The following TOP3A variants were observed in gnomAD, a reference collection of about 807,000 sequenced individuals.
TOP3A encodes the protein DNA topoisomerase III alpha.
In TOP3A, 64 loss-of-function variants were observed where a neutral mutation model predicts 111.3. The observed-to-expected ratio is 0.57, with a 90% CI of 0.47 to 0.71. The LOEUF (loss-of-function observed/expected upper bound fraction) is 0.71. Among genes scored for constraint, TOP3A ranks in the 30% least tolerant of loss-of-function variants. The probability of loss-of-function intolerance (pLI) is 0.00; values close to 1 mark genes in which losing one functional copy is unlikely to be tolerated. For synonymous variants in TOP3A, 484 were observed against 485.1 expected (o/e 1.00, Z 0.03); for missense variants, 1,104 against 1,285.0 (o/e 0.86, Z 2.15).
rs146683869 is a variant in TOP3A at position 18,282,030 on chromosome 17, C to G, written c.2021+668G>C. Among the ~76,000 whole-genome samples, 416 of 152,254 alleles carry G rather than the reference C, an allele frequency of 2.7e-3. 5 individuals are homozygous for G. The highest frequency in any genetic ancestry group is 9.3e-3 in the African/African-American group (388 of 41,548). On this transcript the variant is annotated intron_variant, in intron 16 of 18. Transcript: ENST00000321105. ...CACCTGATGAATGATGGCTGCCACC[C>G]CTCCACCTCGTCTTTCCCCGTGAAC... is the stretch of plus-strand genomic sequence containing the variant.
In TOP3A at chr17:18,285,182, A is replaced by G. The variant is rs779952792; in HGVS notation, c.1837T>C (p.Tyr613His). The change falls in exon 15 of 19, where the codon TAC becomes CAC. Residue 613 changes from tyrosine (Y) to histidine (H), a missense_variant. Coordinates refer to ENST00000321105, the MANE Select transcript of TOP3A (RefSeq NM_004618.5). Reference sequence around the variant, plus strand: ...ACCGCTTCAATGAAAACCTGCTTGTATTTCTGCACTTGCTGCCTTAGAACC... The same window carrying G: ...ACCGCTTCAATGAAAACCTGCTTGTGTTTCTGCACTTGCTGCCTTAGAACC... ...FVVLRQQVQK[Y>H]KQVFIEAVAK... 28 of 1,614,042 alleles carry G rather than the reference A, an allele frequency of 1.7e-5. No individual in the cohort carries two copies. Among genetic ancestry groups the G allele is most frequent in the East Asian group, 2.2e-5 (1 of 44,894 alleles).
At chr17:18,311,001 ATTTTT>A (rs772922996) in intron 1 of TOP3A, among the ~76,000 whole-genome samples, 1 of 142,158 alleles carries the variant, frequency 7.0e-6, no homozygotes, top group African/African-American at 2.6e-5. Context: ...ACAACTATGA[ATTTTT>A]TTTTTTTTTT....
At chr17:18,301,106 G>A (rs190844737) in intron 8 of TOP3A, among the ~76,000 whole-genome samples, 1 of 152,318 alleles carries the variant, frequency 6.6e-6, no homozygotes, top group Non-Finnish European at 1.5e-5. Context: ...ATCTGCCAGT[G>A]GGCTACAGCC....
chr17:18,314,661 C>T lies in TOP3A; in HGVS notation c.118G>A (p.Ala40Thr), dbSNP rs774900188. ...CCCTTGGCCGCGTCGTTTTTTTCGG[C>T]CACACAGAGGACTTTCCGCACGCCT... ...LRGVRKVLCV[A>T]EKNDAAKGIA... The change falls in exon 1 of 19, where the codon GCC becomes ACC. Residue 40 changes from alanine (A) to threonine (T), a missense_variant. Transcript: ENST00000321105. 1 of 1,613,502 alleles carries T rather than the reference C, an allele frequency of 6.2e-7. No individual in the cohort carries two copies. Among genetic ancestry groups the T allele is most frequent in the Non-Finnish European group, 8.5e-7 (1 of 1,179,708 alleles).
In TOP3A at chr17:18,273,758, C is replaced by G. The variant is rs780908113; in HGVS notation, c.*1044G>C. Among the ~76,000 whole-genome samples, 9 of 152,036 alleles carry G rather than the reference C, an allele frequency of 5.9e-5. No homozygotes were observed. The highest frequency in any genetic ancestry group is 1.0e-4 in the Non-Finnish European group (7 of 68,010). The stretch of plus-strand genomic sequence containing the variant: ...GATCCTCCCACTTCAGCCTCCTGAG[C>G]AGCTGAACTAAAGACGTGTACAACT... On this transcript the variant is annotated 3_prime_UTR_variant, in exon 19 of 19. Coordinates refer to ENST00000321105, the MANE Select transcript of TOP3A (RefSeq NM_004618.5).
In TOP3A at chr17:18,271,727, C is replaced by A; in HGVS notation, c.*3075G>T. ...TCTGATATCCAGAAACTATTAAGAA[C>A]TCCTACAACTCAACAACAAAGACAG... On this transcript the variant is annotated 3_prime_UTR_variant, in exon 19 of 19. Coordinates refer to ENST00000321105, the MANE Select transcript of TOP3A (RefSeq NM_004618.5). 1 of 430,592 alleles carries A rather than the reference C, an allele frequency of 2.3e-6. No individual in the cohort carries two copies. The allele number at this position is 430,592 out of a possible 1,614,324, so 26.7% of individuals were successfully genotyped here. A position where few individuals can be genotyped will look rare whatever the true frequency, so the allele number is the denominator to read the frequency against.
Position 18,314,944 on chromosome 17 carries a change from G to A in TOP3A, c.-166C>T, listed in dbSNP as rs1982168035. On this transcript the variant is annotated 5_prime_UTR_variant, in exon 1 of 19. Coordinates refer to ENST00000321105, the MANE Select transcript of TOP3A (RefSeq NM_004618.5). ...GCTTCAGTCACTGAGCCTTTCCCGTGCCGCAGCCGCCGCCTCAGCACCGAA... is the reference window on the plus strand; with the variant it reads ...GCTTCAGTCACTGAGCCTTTCCCGTACCGCAGCCGCCGCCTCAGCACCGAA... The A allele has an allele frequency of 4.1e-6, 1 of 245,286 alleles. No individual in the cohort carries two copies. Among genetic ancestry groups the A allele is most frequent in the Non-Finnish European group, 8.0e-6 (1 of 125,260 alleles). The allele number at this position is 245,286 out of a possible 1,614,324, so 15.2% of individuals were successfully genotyped here.
chr17:18,275,021 A>G, intron 18 of TOP3A, 41 bp from the exon 19 acceptor site: 1 of 1,592,758 alleles, frequency 6.3e-7, no homozygotes, highest in South Asian at 1.1e-5. Flanking sequence ...TAGAACTGAC[A>G]TGCAGAAGTG....
chr17:18,287,032 C>T (rs1980147325), intron 13 of TOP3A, among the ~76,000 whole-genome samples: 1 of 152,066 alleles, frequency 6.6e-6, no homozygotes, highest in Non-Finnish European at 1.5e-5. Flanking sequence ...GATTGGCCCA[C>T]CTTGGCCTCC....
chr17:18,278,603 CCT>C (rs1979558883), intron 17 of TOP3A, among the ~76,000 whole-genome samples: 1 of 152,174 alleles, frequency 6.6e-6, no homozygotes, highest in Admixed American at 6.5e-5. Flanking sequence ...AATAAAAACA[CCT>C]CTGAGAAGTC....
chr17:18,301,775 CA>C (rs1208728054), intron 8 of TOP3A, 109 bp downstream of exon 8: 37 of 900,502 alleles, frequency 4.1e-5, no homozygotes, highest in Admixed American at 3.3e-4. Flanking sequence ...CCCTGAGATG[CA>C]AACTTAAAGC....
rs1407844163 is a variant in TOP3A, at chr17:18,314,595, T to C, written c.180+4A>G. On this transcript the variant is annotated splice_donor_region_variant and intron_variant, in intron 1 of 18. Transcript: ENST00000321105. ...ACGCAGCTGATCGGAACGCGCTTTC[T>C]TACCCGCCTCATGCGACCGTTTGAC... 2 of 1,608,536 alleles carry C rather than the reference T, an allele frequency of 1.2e-6. No homozygotes were observed. The highest frequency in any genetic ancestry group is 8.5e-7 in the Non-Finnish European group (1 of 1,176,642).
Position 18,282,811 on chromosome 17 carries a change from C to T in TOP3A, c.1908G>A (p.Gly636=). ...CTTGCTGGGCCAACTCTGTCCCATT[C>T]CCAAAGTACTGGGCCAAGGCCTCGT... ...KLDEALAQYF[G]NGTELAQQED... Residue 636 remains glycine, a synonymous_variant, in exon 16 of 19, where the codon GGG becomes GGA. Transcript: ENST00000321105. 1.2e-6 allele frequency: 2 copies of T among 1,614,178 alleles called. No individual in the cohort carries two copies. Among genetic ancestry groups the T allele is most frequent in the South Asian group, 1.1e-5 (1 of 91,082 alleles).
At chr17:18,303,241 GAC>G (rs1161584682) in intron 5 of TOP3A, among the ~76,000 whole-genome samples, 2 of 152,178 alleles carry the variant, frequency 1.3e-5, no homozygotes, top group African/African-American at 4.8e-5. Flanking sequence ...ATTAACCAGA[GAC>G]ACAATGCACT....
At position 18,301,960 on chromosome 17, in the gene TOP3A, G is replaced by A. The variant is rs34430764; in HGVS notation, c.840C>T (p.Ile280=). The change falls in exon 8 of 19, where the codon ATC becomes ATT. Residue 280 remains isoleucine (I), a synonymous_variant. Coordinates refer to ENST00000321105, the MANE Select transcript of TOP3A (RefSeq NM_004618.5). ...GATGCCTTTTCCAGTTGAATTCTAC[G>A]ATACCATCTTTGTGGTCATGAGTTA... ...IKVTHDHKDG[I]VEFNWKRHRL... is the part of the protein sequence containing the mutation. The A allele has an allele frequency of 6.8e-6, 11 of 1,613,982 alleles. No individual in the cohort carries two copies. Among genetic ancestry groups the A allele is most frequent in the South Asian group, 6.6e-5 (6 of 91,080 alleles).
intron 18 of TOP3A, among the ~76,000 whole-genome samples, chr17:18,276,869 C>T (rs955160293): frequency 6.6e-6 from 1 of 152,136 alleles, no homozygotes; most frequent in African/African-American, 2.4e-5. Context: ...TAAATATCAT[C>T]GGGGTTGGCA....
chr17:18,314,019 A>C (rs1982084880), intron 1 of TOP3A, among the ~76,000 whole-genome samples: 1 of 151,986 alleles, frequency 6.6e-6, no homozygotes, highest in South Asian at 2.1e-4. Flanking sequence ...CTTACCACTT[A>C]CCTCTCTCAG....
intron 15 of TOP3A, 25 bp from the exon 16 acceptor site, chr17:18,282,866 C>A: frequency 1.2e-6 from 2 of 1,613,138 alleles, no homozygotes; most frequent in Admixed American, 1.7e-5. Flanking sequence ...AAGACAGACA[C>A]CCATCAGCCA....
At chr17:18,295,648 G>A (rs1249416765) in intron 9 of TOP3A, among the ~76,000 whole-genome samples, 5 of 150,752 alleles carry the variant, frequency 3.3e-5, no homozygotes, top group Non-Finnish European at 5.9e-5. Flanking sequence ...CAGTAGAGAC[G>A]GGGTTTTGCC....
Sources: gnomAD v4.1 joint callset for allele counts (sites outside exome capture counted in the v4.1 genomes callset) on GRCh38, gnomAD v4.1.1 for gene constraint, MANE v1.5 for transcripts, NCBI Gene and HGNC (gene_info 2026-07-23, HGNC 2026-07-21) for gene names.